The following NUP214 variants were observed in gnomAD, a reference collection of about 807,000 sequenced individuals.
NUP214 encodes nuclear pore complex protein Nup214.
A neutral mutation model predicts 196.2 loss-of-function variants in NUP214; 79 were observed. The ratio of observed to expected loss-of-function variants is 0.40; its 90% CI spans 0.34 to 0.49. The LOEUF is 0.49. Among genes scored for constraint, NUP214 ranks in the 20% least tolerant of loss-of-function variants. The pLI is 0.58. For missense variants in NUP214, 2,468 were observed against 2,539.0 expected, an observed-to-expected ratio of 0.97 and a Z score of 0.60; for synonymous variants, 1,020 against 990.5, an observed-to-expected ratio of 1.03 and a Z score of -0.56.
At chr9:131,176,007 C>T in intron 23 of NUP214, among the ~76,000 whole-genome samples, 1 of 152,032 alleles carries the variant, frequency 6.6e-6, no homozygotes, top group East Asian at 1.9e-4. Context: ...GCAGCTACCC[C>T]AAGAGGTAGG....
At chr9:131,161,623 C>G (rs1476828187) in intron 18 of NUP214, among the ~76,000 whole-genome samples, 1 of 152,120 alleles carries the variant, frequency 6.6e-6, no homozygotes, top group East Asian at 1.9e-4. Context: ...CAAGTCAGCC[C>G]TGAACTCAAA....
chr9:131,140,556 A>G lies in NUP214; in HGVS notation c.1140A>G (p.Glu380=). 1.2e-6 allele frequency: 2 copies of G among 1,604,404 alleles called. No homozygotes were observed. Among genetic ancestry groups the G allele is most frequent in the East Asian group, 2.2e-5 (1 of 44,782 alleles). Residue 380 remains glutamate, a synonymous_variant, in exon 11 of 36, where the codon GAA becomes GAG. Coordinates refer to ENST00000359428, the MANE Select transcript of NUP214 (RefSeq NM_005085.4). ...TGTTTTCTTTTTTAACAGGTGATGA[A>G]AAGACTCTTCCTCCTGCTCCAGTTC... ...TNQVEITISD[E]KTLPPAPVLM...
At chr9:131,153,846 C>T (rs1168131300) in intron 17 of NUP214, among the ~76,000 whole-genome samples, 2 of 152,166 alleles carry the variant, frequency 1.3e-5, no homozygotes, top group Non-Finnish European at 2.9e-5. Flanking sequence ...ACAATTCACT[C>T]GGGTTTGCAA....
chr9:131,183,561 T>C (rs563247000), intron 24 of NUP214, among the ~76,000 whole-genome samples: 1 of 152,368 alleles, frequency 6.6e-6, no homozygotes, highest in South Asian at 2.1e-4. Context: ...CTGAATTCTT[T>C]TAGCTTTTGT....
intron 11 of NUP214, among the ~76,000 whole-genome samples, chr9:131,142,833 A>C (rs1216356128): frequency 2.0e-5 from 3 of 152,198 alleles, no homozygotes; most frequent in Non-Finnish European, 4.4e-5. Flanking sequence ...ATTACGTTGC[A>C]TTAGACAAAG....
intron 9 of NUP214, 35 bp from the exon 10 acceptor site, chr9:131,139,246 C>G: frequency 2.1e-6 from 3 of 1,406,878 alleles, no homozygotes; most frequent in Non-Finnish European, 1.9e-6. Context: ...CTTTTTTCTT[C>G]TTCTTCTTCT....
Position 131,133,229 on chromosome 9 carries a change from T to C in NUP214, c.831+20T>C. On this transcript the variant is annotated intron_variant, in intron 7 of 35. Coordinates refer to ENST00000359428, the MANE Select transcript of NUP214 (RefSeq NM_005085.4). ...CTACCGGTATGCCTGTGGAAGAAAT[T>C]TCATTGTTTGAGAATTAGAGAAGTC... 7.0e-7 allele frequency: 1 copy of C among 1,437,142 alleles called. No homozygotes were observed. Among genetic ancestry groups the C allele is most frequent in the East Asian group, 2.6e-5 (1 of 38,538 alleles). 89.0% of individuals were successfully genotyped at this position (1,437,142 alleles called of 1,614,324 possible). A position where few individuals can be genotyped will look rare whatever the true frequency, so the allele number is the denominator to read the frequency against.
intron 4 of NUP214, among the ~76,000 whole-genome samples, chr9:131,130,137 G>GTTTTGTTTTTTTTTTT (rs1564176236): frequency 2.1e-4 from 16 of 76,894 alleles, no homozygotes; most frequent in South Asian, 1.7e-3. Context: ...TTCTGGTTTT[G>GTTTTGTTTTTTTTTTT]TTTTTTTTTT....
intron 17 of NUP214, 60 bp downstream of exon 17, chr9:131,151,954 T>A: frequency 7.4e-7 from 1 of 1,350,948 alleles, no homozygotes; most frequent in South Asian, 1.5e-5. Flanking sequence ...TAACAATTGC[T>A]ACCTCTTTTT....
chr9:131,226,546 G>A (rs761313945), intron 32 of NUP214, among the ~76,000 whole-genome samples: 2 of 151,368 alleles, frequency 1.3e-5, no homozygotes, highest in African/African-American at 2.4e-5. Flanking sequence ...ACTAGATAGC[G>A]CCCTGCATGT....
intron 24 of NUP214, among the ~76,000 whole-genome samples, chr9:131,185,921 G>A (rs977688610): frequency 6.6e-6 from 1 of 152,112 alleles, no homozygotes; most frequent in Non-Finnish European, 1.5e-5. Flanking sequence ...TGTCACAATT[G>A]AATTCTGGCT....
At chr9:131,130,137 G>GTTTTTTTTTTTGTTTTTTTTTTTTTTTTT (rs1554728065) in intron 4 of NUP214, among the ~76,000 whole-genome samples, 2 of 76,894 alleles carry the variant, frequency 2.6e-5, no homozygotes, top group Non-Finnish European at 4.6e-5. Context: ...TTCTGGTTTT[G>GTTTTTTTTTTTGTTTTTTTTTTTTTTTTT]TTTTTTTTTT....
chr9:131,213,095 A>G (rs1834290644), intron 30 of NUP214, among the ~76,000 whole-genome samples: 1 of 152,138 alleles, frequency 6.6e-6, no homozygotes, highest in South Asian at 2.1e-4. Context: ...TGAGGATGCA[A>G]TAACTATCAA....
At chr9:131,178,269 G>C (rs1034582696) in intron 23 of NUP214, 42 bp from the exon 24 acceptor site, 2 of 1,492,620 alleles carry the variant, frequency 1.3e-6, no homozygotes, top group Non-Finnish European at 1.9e-6. Context: ...TTTATCCTTT[G>C]CTGGAATTAA....
Position 131,151,749 on chromosome 9 carries a change from A to G in NUP214, c.2291A>G (p.Asp764Gly). 1 of 1,611,036 alleles carries G rather than the reference A, an allele frequency of 6.2e-7. No individual in the cohort carries two copies. Among genetic ancestry groups the G allele is most frequent in the Non-Finnish European group, 8.5e-7 (1 of 1,179,346 alleles). The change falls in exon 17 of 36, where the codon GAT becomes GGT. Residue 764 changes from aspartate (D) to glycine (G), a missense_variant. Physicochemically the swap from Asp to Gly is moderately conservative, Grantham distance 94 (BLOSUM62 -1). Coordinates refer to ENST00000359428, the MANE Select transcript of NUP214 (RefSeq NM_005085.4). Reference protein sequence around the residue: ...IKETTESLHGDISSLKTTLLE... With the variant: ...IKETTESLHGGISSLKTTLLE... ...TACTTTTTCTAGTCGCTTCATGGAG[A>G]TATAAGTAGCCTGAAAACAACTTTA... is the stretch of plus-strand genomic sequence containing the variant.
intron 12 of NUP214, among the ~76,000 whole-genome samples, chr9:131,145,782 C>T (rs1316636106): frequency 2.6e-5 from 4 of 152,160 alleles, no homozygotes; most frequent in Admixed American, 6.5e-5. Flanking sequence ...AAAGTACTAA[C>T]TCTCCTAAGC....
chr9:131,126,758 C>G (rs1404209459), intron 1 of NUP214, among the ~76,000 whole-genome samples: 4 of 151,984 alleles, frequency 2.6e-5, no homozygotes, highest in Non-Finnish European at 5.9e-5. Context: ...CGATGTTGGC[C>G]AGGCTGGTCT....
chr9:131,134,701 G>GT (rs1362253873), intron 7 of NUP214, among the ~76,000 whole-genome samples, 197 bp from the exon 8 acceptor site: 3 of 152,138 alleles, frequency 2.0e-5, no homozygotes, highest in African/African-American at 7.2e-5. Context: ...GCAGAACAGA[G>GT]TTTAAATGCA....
At chr9:131,230,824 C>T in intron 34 of NUP214, 55 bp downstream of exon 34, 1 of 1,567,278 alleles carries the variant, frequency 6.4e-7, no homozygotes, top group Non-Finnish European at 8.7e-7. Flanking sequence ...CTTGCCTTCT[C>T]CCCCAAAGAA....
Sources: allele counts gnomAD v4.1 joint callset (sites outside exome capture counted in the v4.1 genomes callset), GRCh38; gene constraint gnomAD v4.1.1; transcripts MANE v1.5; gene names NCBI Gene and HGNC (gene_info 2026-07-23, HGNC 2026-07-21).